GASK1B: variants seen among roughly 807,000 people sequenced by gnomAD.
GASK1B encodes the protein golgi associated kinase 1B, also known as Golgi-associated kinase 1B.
GASK1B carries 34 observed loss-of-function variants against 42.8 expected under a neutral mutation model. The ratio of observed to expected loss-of-function variants is 0.79; its 90% confidence interval spans 0.60 to 1.06. The LOEUF is 1.06. Among genes scored for constraint, GASK1B ranks in the 50% least tolerant of loss-of-function variants. GASK1B has a pLI of 0.00. For missense variants in GASK1B, 686 were observed against 661.0 expected (o/e 1.04, Z -0.42); for synonymous variants, 262 against 259.1 (o/e 1.01, Z -0.11).
chr4:158,155,791 T>TGCC lies in GASK1B; in HGVS notation c.944_945insGGC (p.Ala315dup). On this transcript the variant is annotated inframe_insertion, in exon 3 of 5. Coordinates refer to ENST00000585682, the MANE Select transcript of GASK1B (RefSeq NM_001128424.2). ...TGTCATTACTTGCTGAAGATAAAGA[T>TGCC]GCATCCCAAAGAATGATGGGGCATG... is the stretch of plus-strand genomic sequence containing the variant. 6.2e-7 allele frequency: 1 copy of TGCC among 1,613,828 alleles called. No individual in the cohort carries two copies. Among genetic ancestry groups the TGCC allele is most frequent in the Non-Finnish European group, 8.5e-7 (1 of 1,179,780 alleles).
chr4:158,127,412 C>A lies in GASK1B; in HGVS notation c.1555G>T (p.Glu519Ter). 1 of 1,611,010 alleles carries A rather than the reference C, an allele frequency of 6.2e-7. No individual in the cohort carries two copies. Among genetic ancestry groups the A allele is most frequent in the Non-Finnish European group, 8.5e-7 (1 of 1,178,620 alleles). The part of the protein sequence containing the change: ...AHGVKVLPMN[E>*] ...CTAGCCAGAAGATTCTTTTGTCATT[C>A]ATTCATAGGTAATACTTTGACCCCG... The change falls in exon 5 of 5, where the codon GAA (glutamate) becomes TAA (stop). Residue 519 changes from glutamate (E) to a stop codon, truncating the protein, a stop_gained. Transcript: ENST00000585682. LOFTEE classifies it high-confidence loss of function.
intron 3 of GASK1B, among the ~76,000 whole-genome samples, chr4:158,132,696 T>A (rs1730728268): frequency 6.6e-6 from 1 of 152,150 alleles, no homozygotes; most frequent in African/African-American, 2.4e-5. Context: ...GTAAAGCTGG[T>A]CACATGTGTG....
chr4:158,150,363 C>T (rs200636764), intron 3 of GASK1B, among the ~76,000 whole-genome samples: 1 of 30,258 alleles, frequency 3.3e-5, no homozygotes, highest in African/African-American at 4.7e-5. Flanking sequence ...CTAGCAGCCC[C>T]TTAGAGAATG....
intron 3 of GASK1B, among the ~76,000 whole-genome samples, chr4:158,141,463 T>C (rs1731111915): frequency 1.3e-5 from 2 of 151,792 alleles, no homozygotes; most frequent in Non-Finnish European, 2.9e-5. Context: ...ATTCTTTTTC[T>C]TAAAGTTGCC....
In GASK1B at chr4:158,127,484, C is replaced by T; in HGVS notation, c.1483G>A (p.Val495Ile). 2.5e-6 allele frequency: 4 copies of T among 1,613,760 alleles called. No homozygotes were observed. Among genetic ancestry groups the T allele is most frequent in the Non-Finnish European group, 3.4e-6 (4 of 1,179,758 alleles). Residue 495 changes from valine (V) to isoleucine (I), a missense_variant, in exon 5 of 5, where the codon GTA (valine) becomes ATA (isoleucine). By Grantham distance (29) the Val-to-Ile change is conservative (BLOSUM62 3). Transcript: ENST00000585682. ...AGAATTTTGGCTCTGTGTTCTATTA[C>T]ATCGATAAGCTTTTCAATTCCTTGT... ...GRQGIEKLID[V>I]IEHRAKILIT...
intron 2 of GASK1B, chr4:158,167,307 A>T (rs1732263176): frequency 6.6e-6 from 1 of 152,176 alleles, no homozygotes; most frequent in African/African-American, 2.4e-5. Flanking sequence ...ATCGAATTAC[A>T]CTAGAGTGTG....
In GASK1B at chr4:158,144,572, C is replaced by T. The variant is rs545013669; in HGVS notation, c.1125+11039G>A. Among the ~76,000 whole-genome samples, 8 of 152,262 alleles carry T rather than the reference C, an allele frequency of 5.3e-5. No homozygotes were observed. The East Asian group carries it at 1.5e-3, about 29-fold the overall frequency. ...TACCTTAGTAAGTGATTCCTTGTGA[C>T]CAAGTGAACCACTCTAATTACCTCC... On this transcript the variant is annotated intron_variant, in intron 3 of 4. Transcript: ENST00000585682.
intron 2 of GASK1B, among the ~76,000 whole-genome samples, chr4:158,162,282 G>C (rs1732049382): frequency 6.6e-6 from 1 of 152,142 alleles, no homozygotes; most frequent in African/African-American, 2.4e-5. Flanking sequence ...TTTTTTGTAA[G>C]GTAGGTTTGC....
rs1212666586 is a variant in GASK1B, at chr4:158,125,923, T to C, written c.*1484A>G. The C allele has an allele frequency of 2.0e-5, 3 of 152,152 alleles. No individual in the cohort carries two copies. Among genetic ancestry groups the C allele is most frequent in the Non-Finnish European group, 4.4e-5 (3 of 68,006 alleles). The allele number at this position is 152,152 out of a possible 1,614,324, so 9.4% of individuals were successfully genotyped here. A position where few individuals can be genotyped will look rare whatever the true frequency, so the allele number is the denominator to read the frequency against. On this transcript the variant is annotated 3_prime_UTR_variant, in exon 5 of 5. Transcript: ENST00000585682. ...TTTTTTTTTTCAAATCTAGCCTCTA[T>C]TGTAACGTTGTTAGTAGTTCTCTTT... is the stretch of plus-strand genomic sequence containing the variant.
In GASK1B at chr4:158,124,629, G is replaced by A. The variant is rs982094066; in HGVS notation, c.*2778C>T. ...TTTTATTCGTTATGTATAAGGTAAAGTATATTTAATGGCACAGTAGAATAA... is the reference window on the plus strand; with the variant it reads ...TTTTATTCGTTATGTATAAGGTAAAATATATTTAATGGCACAGTAGAATAA... On this transcript the variant is annotated 3_prime_UTR_variant, in exon 5 of 5. Coordinates refer to ENST00000585682, the MANE Select transcript of GASK1B (RefSeq NM_001128424.2). The A allele has an allele frequency of 5.3e-5, 8 of 152,116 alleles. No homozygotes were observed. Among genetic ancestry groups the A allele is most frequent in the African/African-American group, 1.7e-4 (7 of 41,422 alleles). 9.4% of individuals were successfully genotyped at this position (152,116 alleles called of 1,614,324 possible). A position where few individuals can be genotyped will look rare whatever the true frequency, so the allele number is the denominator to read the frequency against.
chr4:158,169,342 C>A (rs1732360336), intron 2 of GASK1B: 2 of 152,204 alleles, frequency 1.3e-5, no homozygotes, highest in African/African-American at 4.8e-5. Flanking sequence ...AGCACTTAGA[C>A]AAGAACCACC....
chr4:158,144,555 T>A (rs192124453), intron 3 of GASK1B, among the ~76,000 whole-genome samples: 1 of 152,324 alleles, frequency 6.6e-6, no homozygotes, highest in Admixed American at 6.5e-5. Flanking sequence ...TTTACCTTAG[T>A]AAGTGATTCC....
At chr4:158,139,016 C>A (rs905804125) in intron 3 of GASK1B, among the ~76,000 whole-genome samples, 9 of 152,166 alleles carry the variant, frequency 5.9e-5, no homozygotes, top group African/African-American at 2.2e-4. Flanking sequence ...TCTGCTATAG[C>A]ACTTCACATT....
intron 3 of GASK1B, among the ~76,000 whole-genome samples, chr4:158,150,766 T>C (rs990399906): frequency 1.3e-5 from 2 of 152,190 alleles, no homozygotes; most frequent in Non-Finnish European, 2.9e-5. Context: ...TACAGCCCCA[T>C]AGCAGGACTC....
rs1186637875 is a variant in GASK1B, at chr4:158,126,953, AG to A, written c.*453del. 1 of 158,006 alleles carries A rather than the reference AG, an allele frequency of 6.3e-6. No homozygotes were observed. The highest frequency in any genetic ancestry group is 1.4e-5 in the Non-Finnish European group (1 of 71,986). 9.8% of individuals were successfully genotyped at this position (158,006 alleles called of 1,614,324 possible). On this transcript the variant is annotated 3_prime_UTR_variant, in exon 5 of 5. Transcript: ENST00000585682. ...GTAGAGTTGCCTCAGGGTAGTGTAG[AG>A]ACTGCTCTATGTTAACAATCAGCAA...
At chr4:158,133,598 A>C (rs1730766900) in intron 3 of GASK1B, among the ~76,000 whole-genome samples, 1 of 152,222 alleles carries the variant, frequency 6.6e-6, no homozygotes. Flanking sequence ...TTCTATTTTT[A>C]AACTACACAA....
intron 3 of GASK1B, among the ~76,000 whole-genome samples, chr4:158,131,564 G>C (rs1730684329): frequency 6.6e-6 from 1 of 152,138 alleles, no homozygotes; most frequent in Non-Finnish European, 1.5e-5. Context: ...TATCTAAATG[G>C]AGGCCACAGC....
intron 2 of GASK1B, among the ~76,000 whole-genome samples, chr4:158,163,325 C>T (rs371499131): frequency 2.7e-4 from 41 of 152,322 alleles, no homozygotes; most frequent in African/African-American, 9.1e-4. Flanking sequence ...AATCCCAGCA[C>T]TTTGGGAAAC....
chr4:158,130,706 G>C, intron 4 of GASK1B, 80 bp downstream of exon 4: 1 of 1,039,406 alleles, frequency 9.6e-7, no homozygotes, highest in Non-Finnish European at 1.4e-6. Flanking sequence ...ATGATCAGAT[G>C]TAAGATGTGA....
Sources: gnomAD v4.1 joint callset for allele counts (sites outside exome capture counted in the v4.1 genomes callset) on GRCh38, gnomAD v4.1.1 for gene constraint, MANE v1.5 for transcripts, NCBI Gene and HGNC (gene_info 2026-07-23, HGNC 2026-07-21) for gene names.